TNFSF4: variants seen among roughly 807,000 people sequenced by gnomAD.
TNFSF4 encodes tumor necrosis factor ligand superfamily member 4.
TNFSF4 carries 4 observed loss-of-function variants against 7.3 expected under a neutral mutation model. The observed-to-expected ratio is 0.55, with a 90% CI of 0.27 to 1.25. The LOEUF (loss-of-function observed/expected upper bound fraction) is 1.25, where lower values mean the gene tolerates loss of function less well. Among genes scored for constraint, TNFSF4 ranks in the 50% most tolerant of loss-of-function variants. The pLI, the probability that TNFSF4 is intolerant of heterozygous loss-of-function variation, is 0.12. For synonymous variants in TNFSF4, 76 were observed against 83.7 expected (o/e 0.91, Z 0.50); for missense variants, 181 against 208.8 (o/e 0.87, Z 0.82).
At chr1:173,194,738 T>TA (rs926061848) in intron 1 of TNFSF4, among the ~76,000 whole-genome samples, 21 of 150,792 alleles carry the variant, frequency 1.4e-4, no homozygotes, top group African/African-American at 4.4e-4. Flanking sequence ...AAAAAAATAA[T>TA]AAAAAAAATA....
the TNFSF4 span, chr1:173,362,561 C>T: frequency 1.9e-6 from 1 of 535,380 alleles, no homozygotes; most frequent in Non-Finnish European, 3.7e-6. Context: ...GCCTCCGATT[C>T]TCACACTAAG....
the TNFSF4 span, among the ~76,000 whole-genome samples, chr1:173,307,511 A>G: frequency 1.3e-5 from 2 of 151,360 alleles, no homozygotes; most frequent in Non-Finnish European, 3.0e-5. Context: ...CTGGCTTTGG[A>G]AAAAAAAAGT....
At chr1:173,229,814 C>A in the TNFSF4 span, among the ~76,000 whole-genome samples, 2 of 148,610 alleles carry the variant, frequency 1.3e-5, no homozygotes, top group African/African-American at 5.2e-5. Context: ...TTTAAACCGA[C>A]AAAGATCAAA....
the TNFSF4 span, among the ~76,000 whole-genome samples, chr1:173,317,805 G>A: frequency 6.6e-6 from 1 of 152,090 alleles, no homozygotes; most frequent in Admixed American, 6.5e-5. Flanking sequence ...GTTAGAGAGG[G>A]CAATTTAAAA....
chr1:173,194,216 T>C (rs1461757169), intron 1 of TNFSF4, among the ~76,000 whole-genome samples: 1 of 152,266 alleles, frequency 6.6e-6, no homozygotes, highest in Admixed American at 6.5e-5. Flanking sequence ...GTTGAATGAA[T>C]AGTATGGTTG....
chr1:173,379,737 TG>T, the TNFSF4 span, among the ~76,000 whole-genome samples: 1 of 152,126 alleles, frequency 6.6e-6, no homozygotes, highest in Non-Finnish European at 1.5e-5. Flanking sequence ...AAACAAACCT[TG>T]GTGGTTCAGA....
intron 1 of TNFSF4, among the ~76,000 whole-genome samples, chr1:173,197,255 A>T (rs1649744265): frequency 6.6e-6 from 1 of 152,254 alleles, no homozygotes; most frequent in African/African-American, 2.4e-5. Flanking sequence ...ACCATTGTAG[A>T]GGACTGTGGA....
the TNFSF4 span, among the ~76,000 whole-genome samples, chr1:173,268,082 G>A: frequency 1.1e-4 from 16 of 152,050 alleles, no homozygotes; most frequent in African/African-American, 1.4e-4. Context: ...CAAGGACAAA[G>A]GAGAAACAAA....
upstream of TNFSF4, among the ~76,000 whole-genome samples, chr1:173,209,645 T>C (rs995962802): frequency 1.3e-5 from 2 of 152,036 alleles, no homozygotes; most frequent in Admixed American, 6.5e-5. Context: ...GCTAGGACTA[T>C]AGACACGCAA....
the TNFSF4 span, among the ~76,000 whole-genome samples, chr1:173,377,452 GACA>G: frequency 6.6e-6 from 1 of 152,130 alleles, no homozygotes; most frequent in Non-Finnish European, 1.5e-5. Context: ...CTGGGGTCCC[GACA>G]ACAAGTTGGA....
the TNFSF4 span, among the ~76,000 whole-genome samples, chr1:173,233,526 G>A: frequency 6.6e-6 from 1 of 152,146 alleles, no homozygotes; most frequent in Non-Finnish European, 1.5e-5. Flanking sequence ...ACACATAATT[G>A]TCAGATTCAC....
the TNFSF4 span, among the ~76,000 whole-genome samples, chr1:173,249,337 C>A: frequency 6.6e-6 from 1 of 152,192 alleles, no homozygotes; most frequent in Non-Finnish European, 1.5e-5. Context: ...GGGAAAAGAT[C>A]TTTGTTAGTC....
intron 1 of TNFSF4, among the ~76,000 whole-genome samples, chr1:173,195,012 C>G (rs1649640356): frequency 1.3e-5 from 2 of 151,930 alleles, no homozygotes; most frequent in East Asian, 3.9e-4. Context: ...AGAATAACTA[C>G]CCATATTTTA....
the TNFSF4 span, among the ~76,000 whole-genome samples, chr1:173,411,985 G>C: frequency 6.6e-6 from 1 of 151,638 alleles, no homozygotes; most frequent in Non-Finnish European, 1.5e-5. Flanking sequence ...TGGGTATGGT[G>C]GTGGGCGCTT....
At chr1:173,308,285 C>CTCTCTCTGTGTGTGTGTGTG in the TNFSF4 span, among the ~76,000 whole-genome samples, 1 of 135,124 alleles carries the variant, frequency 7.4e-6, no homozygotes, top group African/African-American at 2.9e-5. Context: ...CTCTCTCTCT[C>CTCTCTCTGTGTGTGTGTGTG]TGTGTGTGTG....
chr1:173,274,212 A>C, the TNFSF4 span, among the ~76,000 whole-genome samples: 1 of 152,126 alleles, frequency 6.6e-6, no homozygotes, highest in Admixed American at 6.6e-5. Context: ...ATATTGTTAA[A>C]CACATATTGC....
intron 1 of TNFSF4, among the ~76,000 whole-genome samples, chr1:173,200,453 G>GC (rs774972772): frequency 1.3e-5 from 2 of 152,142 alleles, no homozygotes; most frequent in Non-Finnish European, 2.9e-5. Context: ...CTAAAAAACG[G>GC]TTTGAGTTTA....
the TNFSF4 span, among the ~76,000 whole-genome samples, chr1:173,250,038 G>A: frequency 6.6e-6 from 1 of 151,984 alleles, no homozygotes; most frequent in African/African-American, 2.4e-5. Flanking sequence ...AAAAGTTCCT[G>A]AACCTCTTAA....
chr1:173,387,381 A>C, the TNFSF4 span, among the ~76,000 whole-genome samples: 2 of 152,296 alleles, frequency 1.3e-5, no homozygotes, highest in African/African-American at 4.8e-5. Context: ...AGGACACAGC[A>C]TTCAAGGTAC....
Sources: gnomAD v4.1 joint callset for allele counts (sites outside exome capture counted in the v4.1 genomes callset) on GRCh38, gnomAD v4.1.1 for gene constraint, MANE v1.5 for transcripts, NCBI Gene and HGNC (gene_info 2026-07-23, HGNC 2026-07-21) for gene names.